The following BZW2 variants were observed in gnomAD, a reference collection of about 807,000 sequenced individuals.
BZW2 encodes the protein eIF5-mimic protein 1.
In BZW2, 23 loss-of-function variants were observed where a neutral mutation model predicts 53.2. The ratio of observed to expected loss-of-function variants is 0.43; its 90% confidence interval spans 0.31 to 0.61. The LOEUF (loss-of-function observed/expected upper bound fraction) is 0.61, where lower values mean the gene tolerates loss of function less well. BZW2 is among the 20% of genes least tolerant of loss of function. BZW2 has a pLI of 0.09. For missense variants in BZW2, 409 were observed against 503.1 expected (o/e 0.81, Z 1.79); for synonymous variants, 227 against 186.4 (o/e 1.22, Z -1.77).
At chr7:16,649,081 T>C (rs1262646779) in intron 1 of BZW2, among the ~76,000 whole-genome samples, 1 of 152,118 alleles carries the variant, frequency 6.6e-6, no homozygotes, top group Admixed American at 6.5e-5. Context: ...GCGACCCCTC[T>C]TTTACCGCCC....
intron 6 of BZW2, 175 bp downstream of exon 6, chr7:16,686,215 T>A (rs1191384913): frequency 9.8e-7 from 1 of 1,016,562 alleles, no homozygotes; most frequent in African/African-American, 1.6e-5. Context: ...AGTGGACTTG[T>A]TAATTGTAGG....
Position 16,694,870 on chromosome 7 carries a change from T to C in BZW2, c.688T>C (p.Phe230Leu). ...AGTTAACAGACAGAGTGTGGATCAT[T>C]TTGCTAAATACTTCACTGACGCAGG... ...FPVNRQSVDH[F>L]AKYFTDAGLK... Residue 230 changes from phenylalanine (F) to leucine (L), a missense_variant, in exon 8 of 12, where the codon TTT (phenylalanine) becomes CTT (leucine). By Grantham distance (22) the Phe-to-Leu change is conservative. Around this residue, in one of 3 missense-constraint regions of BZW2, gnomAD observed 316 missense variants for 366.8 expected, o/e 0.86. Coordinates refer to ENST00000258761, the MANE Select transcript of BZW2 (RefSeq NM_014038.3). 6.4e-7 allele frequency: 1 copy of C among 1,551,706 alleles called. No homozygotes were observed. The highest frequency in any genetic ancestry group is 8.8e-7 in the Non-Finnish European group (1 of 1,133,484).
At chr7:16,668,911 T>C (rs896906144) in intron 2 of BZW2, among the ~76,000 whole-genome samples, 2 of 152,186 alleles carry the variant, frequency 1.3e-5, no homozygotes, top group Non-Finnish European at 2.9e-5. Flanking sequence ...CTGTGACTTG[T>C]GAAAATCTGA....
Position 16,706,286 on chromosome 7 carries a change from C to T in BZW2, c.*198C>T. 1 of 576,600 alleles carries T rather than the reference C, an allele frequency of 1.7e-6. No individual in the cohort carries two copies. The highest frequency in any genetic ancestry group is 3.0e-6 in the Non-Finnish European group (1 of 329,124). 35.7% of individuals were successfully genotyped at this position (576,600 alleles called of 1,614,324 possible). On this transcript the variant is annotated 3_prime_UTR_variant, in exon 12 of 12. Transcript: ENST00000258761. The stretch of plus-strand genomic sequence containing the variant: ...GAGCCCTGAGGCATCAGCTATTATA[C>T]TTGGGACTCTACCTCTCACTCACTA...
chr7:16,670,046 A>G (rs1264243267), intron 2 of BZW2, among the ~76,000 whole-genome samples: 1 of 152,184 alleles, frequency 6.6e-6, no homozygotes, highest in East Asian at 1.9e-4. Context: ...TGTTCTTGCC[A>G]TTTTCTTATA....
At chr7:16,656,310 G>C (rs937352065) in intron 1 of BZW2, among the ~76,000 whole-genome samples, 4 of 152,074 alleles carry the variant, frequency 2.6e-5, no homozygotes, top group Non-Finnish European at 4.4e-5. Flanking sequence ...AATGTCCCTA[G>C]ATATACATCT....
chr7:16,695,441 T>C (rs1783449168), intron 8 of BZW2, among the ~76,000 whole-genome samples: 1 of 152,210 alleles, frequency 6.6e-6, no homozygotes, highest in Admixed American at 6.5e-5. Flanking sequence ...GGCTTTTTAT[T>C]TGAAAAAAGT....
intron 2 of BZW2, among the ~76,000 whole-genome samples, chr7:16,665,782 C>A (rs1782405036): frequency 1.3e-5 from 2 of 152,192 alleles, no homozygotes; most frequent in Admixed American, 1.3e-4. Context: ...ATAAATTTTA[C>A]TGGTTTTGAC....
intron 11 of BZW2, 100 bp from the exon 12 acceptor site, chr7:16,705,960 C>G: frequency 7.6e-7 from 1 of 1,323,666 alleles, no homozygotes; most frequent in Non-Finnish European, 1.1e-6. Flanking sequence ...TAAAAGTATG[C>G]TGGTGCAATG....
intron 2 of BZW2, among the ~76,000 whole-genome samples, chr7:16,669,647 T>G (rs553942715): frequency 4.6e-5 from 7 of 152,358 alleles, no homozygotes; most frequent in Non-Finnish European, 1.0e-4. Flanking sequence ...GGTTCTGCTA[T>G]TATATCACTT....
chr7:16,655,756 G>A (rs912886254), intron 1 of BZW2, among the ~76,000 whole-genome samples: 18 of 152,082 alleles, frequency 1.2e-4, no homozygotes, highest in Non-Finnish European at 2.6e-4. Context: ...CTACATGAGT[G>A]AGATCATATG....
intron 2 of BZW2, among the ~76,000 whole-genome samples, chr7:16,670,605 G>A (rs1213276527): frequency 6.6e-6 from 1 of 152,156 alleles, no homozygotes; most frequent in African/African-American, 2.4e-5. Context: ...AACAAGGAAG[G>A]AGAATTGCCT....
chr7:16,652,453 C>T (rs1338099208), intron 1 of BZW2, among the ~76,000 whole-genome samples: 1 of 152,104 alleles, frequency 6.6e-6, no homozygotes, highest in East Asian at 1.9e-4. Flanking sequence ...TTGCTGCATC[C>T]CTATTGACTA....
chr7:16,702,169 T>G (rs1257246040), intron 10 of BZW2, among the ~76,000 whole-genome samples: 5 of 152,196 alleles, frequency 3.3e-5, no homozygotes, highest in Non-Finnish European at 7.4e-5. Context: ...TTTCCCTACT[T>G]TATCCTTAGT....
chr7:16,697,004 T>C lies in BZW2; in HGVS notation c.912T>C (p.Ala304=). Residue 304 remains alanine, a synonymous_variant, in exon 9 of 12, where the codon GCT becomes GCC. Coordinates refer to ENST00000258761, the MANE Select transcript of BZW2 (RefSeq NM_014038.3). ...IGLLWTCIMN[A]VEWNKKEELV... Reference sequence around the variant, plus strand: ...TTCTGTGGACATGTATAATGAACGCTGTTGAGTGGAACAAGAAGGAAGAAC... The same window carrying C: ...TTCTGTGGACATGTATAATGAACGCCGTTGAGTGGAACAAGAAGGAAGAAC... The C allele has an allele frequency of 1.2e-6, 2 of 1,614,154 alleles. No homozygotes were observed. Among genetic ancestry groups the C allele is most frequent in the Non-Finnish European group, 1.7e-6 (2 of 1,180,016 alleles).
In BZW2 at chr7:16,646,219, T is replaced by C. The variant is rs894996311; in HGVS notation, c.-77T>C. ...CTGCCGCCACTGCTGCTGCTGCTGC[T>C]GCTGCCGCTGCTGCTGCACGAATCG... is the stretch of plus-strand genomic sequence containing the variant. On this transcript the variant is annotated 5_prime_UTR_variant, in exon 1 of 12. Coordinates refer to ENST00000258761, the MANE Select transcript of BZW2 (RefSeq NM_014038.3). 6 of 344,590 alleles carry C rather than the reference T, an allele frequency of 1.7e-5. No individual in the cohort carries two copies. The highest frequency in any genetic ancestry group is 4.4e-5 in the African/African-American group (2 of 45,402). The allele number at this position is 344,590 out of a possible 1,614,324, so 21.3% of individuals were successfully genotyped here.
intron 1 of BZW2, among the ~76,000 whole-genome samples, chr7:16,658,810 G>A (rs1382270263): frequency 6.6e-6 from 1 of 151,954 alleles, no homozygotes; most frequent in East Asian, 1.9e-4. Flanking sequence ...AGGAGGTGGA[G>A]GTTGTAGTGA....
intron 9 of BZW2, among the ~76,000 whole-genome samples, chr7:16,697,279 T>C (rs1024168303): frequency 3.9e-4 from 60 of 152,174 alleles, no homozygotes; most frequent in African/African-American, 1.4e-3. Context: ...TTGGTAGAGA[T>C]GTAGTCTCGC....
At chr7:16,658,265 C>T (rs1329458413) in intron 1 of BZW2, among the ~76,000 whole-genome samples, 1 of 152,102 alleles carries the variant, frequency 6.6e-6, no homozygotes, top group African/African-American at 2.4e-5. Context: ...TTAATTTATA[C>T]TTCTTAAAAG....
Sources: gnomAD v4.1 joint callset for allele counts (sites outside exome capture counted in the v4.1 genomes callset) on GRCh38, gnomAD v4.1.1 for gene constraint, gnomAD v4.1.1 regional missense constraint, MANE v1.5 for transcripts, NCBI Gene and HGNC (gene_info 2026-07-23, HGNC 2026-07-21) for gene names.